The following RAF1 variants were observed in gnomAD, a reference collection of about 807,000 sequenced individuals.
RAF1 encodes the protein Raf-1 proto-oncogene, serine/threonine kinase.
RAF1 carries 27 observed loss-of-function variants against 81.1 expected under a neutral mutation model. The observed-to-expected ratio is 0.33, with a 90% CI of 0.25 to 0.46. The LOEUF is 0.46. Ranked by LOEUF, RAF1 falls within the 20% of genes least tolerant of loss-of-function variation. RAF1 has a pLI of 1.00. For missense variants in RAF1, 598 were observed against 826.0 expected (o/e 0.72, Z 3.38); for synonymous variants, 298 against 294.0 (o/e 1.01, Z -0.14).
chr3:12,611,617 G>A (rs1461057389), intron 3 of RAF1, among the ~76,000 whole-genome samples: 4 of 152,076 alleles, frequency 2.6e-5, no homozygotes, highest in Admixed American at 6.5e-5. Context: ...GGAAAATGGC[G>A]TGAACCCGGG....
chr3:12,628,967 T>C (rs747639333), intron 1 of RAF1, among the ~76,000 whole-genome samples: 10 of 152,216 alleles, frequency 6.6e-5, no homozygotes, highest in South Asian at 6.2e-4. Flanking sequence ...GCCAGGCTGG[T>C]CTCAAACTCC....
At chr3:12,627,833 A>G (rs1422724553) in intron 1 of RAF1, among the ~76,000 whole-genome samples, 1 of 152,230 alleles carries the variant, frequency 6.6e-6, no homozygotes, top group East Asian at 1.9e-4. Flanking sequence ...AGAAAGTTAG[A>G]GTGTGGCCAG....
chr3:12,638,507 C>T (rs2060092961), intron 1 of RAF1, among the ~76,000 whole-genome samples: 1 of 152,190 alleles, frequency 6.6e-6, no homozygotes, highest in Non-Finnish European at 1.5e-5. Flanking sequence ...TAATAATACC[C>T]AATTAAAGCT....
At position 12,585,068 on chromosome 3, in the gene RAF1, C is replaced by T. The variant is rs191694599; in HGVS notation, c.1728+54G>A. 7.4e-6 allele frequency: 12 copies of T among 1,613,974 alleles called. No homozygotes were observed. The East Asian group carries it at 8.9e-5, about 12-fold the overall frequency. On this transcript the variant is annotated intron_variant, in intron 16 of 17. Coordinates refer to ENST00000442415, the MANE Select transcript of RAF1 (RefSeq NM_001354689.3). ...CTAACCCTCTAGCTGCTTAGGCTGG[C>T]GGAGGCCCAGGGGCTCCCACGAGTT... is the stretch of plus-strand genomic sequence containing the variant.
chr3:12,588,756 T>C (rs1217526588), intron 13 of RAF1: 1 of 152,148 alleles, frequency 6.6e-6, no homozygotes, highest in Non-Finnish European at 1.5e-5. Flanking sequence ...TGGGAGGTAT[T>C]GGGTAACCTC....
chr3:12,639,272 A>G (rs2060116459), intron 1 of RAF1, among the ~76,000 whole-genome samples: 1 of 152,334 alleles, frequency 6.6e-6, no homozygotes, highest in South Asian at 2.1e-4. Context: ...ATCATACTGA[A>G]TGGGCAAAAA....
intron 14 of RAF1, among the ~76,000 whole-genome samples, chr3:12,586,075 C>T (rs1012592844): frequency 6.6e-6 from 1 of 152,220 alleles, no homozygotes; most frequent in African/African-American, 2.4e-5. Context: ...ATTTGCACAT[C>T]TAGGTGCTGG....
chr3:12,641,368 TA>T (rs935176104), intron 1 of RAF1, among the ~76,000 whole-genome samples: 121 of 143,582 alleles, frequency 8.4e-4, no homozygotes, highest in South Asian at 2.8e-3. Context: ...CTTAAAGTAT[TA>T]AAAAAAAAAG....
chr3:12,606,451 G>A, intron 5 of RAF1, 152 bp from the exon 6 acceptor site: 1 of 679,288 alleles, frequency 1.5e-6, no homozygotes, highest in South Asian at 1.6e-5. Flanking sequence ...TAGAATAAAG[G>A]GAACAATATT....
intron 11 of RAF1, among the ~76,000 whole-genome samples, chr3:12,594,268 G>A (rs1418301601): frequency 6.6e-6 from 1 of 152,172 alleles, no homozygotes; most frequent in East Asian, 1.9e-4. Flanking sequence ...GAAGTGCTGG[G>A]AAAATGGCCA....
Position 12,584,072 on chromosome 3 carries a change from C to A in RAF1, c.*442G>T. 1 of 313,306 alleles carries A rather than the reference C, an allele frequency of 3.2e-6. No individual in the cohort carries two copies. Among genetic ancestry groups the A allele is most frequent in the Non-Finnish European group, 6.1e-6 (1 of 164,492 alleles). 19.4% of individuals were successfully genotyped at this position (313,306 alleles called of 1,614,324 possible). A position where few individuals can be genotyped will look rare whatever the true frequency, so the allele number is the denominator to read the frequency against. On this transcript the variant is annotated 3_prime_UTR_variant, in exon 18 of 18. Transcript: ENST00000442415. The stretch of plus-strand genomic sequence containing the variant: ...GTGCAAAATGTCTGGCGCTGCACCA[C>A]TCTCTGAAGAAAGTCCCGCCTGTGA...
intron 13 of RAF1, 157 bp downstream of exon 12, chr3:12,590,640 TC>T: frequency 1.2e-6 from 1 of 844,424 alleles, no homozygotes; most frequent in Admixed American, 2.1e-5. Context: ...CCTGAACAAC[TC>T]ATTCCTGATA....
In RAF1 at chr3:12,609,339, G is replaced by T. The variant is rs1455608046; in HGVS notation, c.321-4C>A. The T allele has an allele frequency of 1.3e-6, 2 of 1,591,276 alleles. No homozygotes were observed. The highest frequency in any genetic ancestry group is 1.7e-6 in the Non-Finnish European group (2 of 1,159,524). On this transcript the variant is annotated splice_polypyrimidine_tract_variant and splice_region_variant and intron_variant, in intron 3 of 17. Coordinates refer to ENST00000442415, the MANE Select transcript of RAF1 (RefSeq NM_001354689.3). The stretch of plus-strand genomic sequence containing the variant: ...CCAATCTAAGCGTGCTTTTTTACTA[G>T]AAAGGATTTAAAAAAAACATGAAAT...
At chr3:12,661,209 C>G (rs962969338) in intron 1 of RAF1, among the ~76,000 whole-genome samples, 17 of 152,258 alleles carry the variant, frequency 1.1e-4, no homozygotes, top group African/African-American at 3.9e-4. Context: ...AAACATTAAT[C>G]ACAATATTAT....
intron 6 of RAF1, 116 bp from the exon 7 acceptor site, chr3:12,604,405 T>C (rs547883592): frequency 9.3e-7 from 1 of 1,075,700 alleles, no homozygotes; most frequent in East Asian, 2.6e-5. Flanking sequence ...CTGTACAACC[T>C]TTGACAAAAT....
chr3:12,642,618 G>T (rs1187816563), intron 1 of RAF1, among the ~76,000 whole-genome samples: 1 of 150,760 alleles, frequency 6.6e-6, no homozygotes, highest in Non-Finnish European at 1.5e-5. Flanking sequence ...ACAAGAGACT[G>T]TTGAATGTCA....
chr3:12,656,120 C>T lies in RAF1; in HGVS notation c.-27+7693G>A, dbSNP rs139794999. ...TAAGACAGCCTAGGGGTCCATTTTGCATTGTCAGGCAATACTAGATAATAC... is the reference window on the plus strand; with the variant it reads ...TAAGACAGCCTAGGGGTCCATTTTGTATTGTCAGGCAATACTAGATAATAC... On this transcript the variant is annotated intron_variant, in intron 1 of 17. Coordinates refer to ENST00000442415, the MANE Select transcript of RAF1 (RefSeq NM_001354689.3). 4.0e-4 allele frequency among the ~76,000 whole-genome samples: 57 copies of T among 143,942 alleles called. 1 individual carries two copies. In the East Asian group the frequency reaches 0.011, roughly 27 times the overall value. The allele number at this position is 143,942 out of a possible 152,430, so 94.4% of individuals were successfully genotyped here. A position where few individuals can be genotyped will look rare whatever the true frequency, so the allele number is the denominator to read the frequency against.
intron 6 of RAF1, among the ~76,000 whole-genome samples, chr3:12,605,639 T>C (rs1294204192): frequency 6.6e-6 from 1 of 152,170 alleles, no homozygotes; most frequent in Non-Finnish European, 1.5e-5. Flanking sequence ...GTGTTAACAC[T>C]GAGCAGTAGA....
intron 1 of RAF1, among the ~76,000 whole-genome samples, chr3:12,654,435 C>T: frequency 6.6e-6 from 1 of 151,976 alleles, no homozygotes; most frequent in East Asian, 2.0e-4. Flanking sequence ...AACCCCATCT[C>T]TACAAAAAAT....
Sources: gnomAD v4.1 joint callset for allele counts (sites outside exome capture counted in the v4.1 genomes callset) on GRCh38, gnomAD v4.1.1 for gene constraint, MANE v1.5 for transcripts, NCBI Gene and HGNC (gene_info 2026-07-23, HGNC 2026-07-21) for gene names.